The following LRRK1 variants were observed in gnomAD, a reference collection of about 807,000 sequenced individuals.
LRRK1 encodes the protein leucine rich repeat kinase 1, also known as leucine-rich repeat serine/threonine-protein kinase 1.
LRRK1 carries 113 observed loss-of-function variants against 209.1 expected under a neutral mutation model. That is an observed-to-expected ratio of 0.54 (90% confidence interval 0.46 to 0.63). The LOEUF (loss-of-function observed/expected upper bound fraction) is 0.63, where lower values mean the gene tolerates loss of function less well. Ranked by LOEUF, LRRK1 falls within the 30% of genes least tolerant of loss-of-function variation. The pLI is 0.00. For synonymous variants in LRRK1, 1,144 were observed against 1,099.7 expected (o/e 1.04, Z -0.80); for missense variants, 2,284 against 2,632.2 (o/e 0.87, Z 2.89).
chr15:100,941,656 C>G (rs1285196463), intron 2 of LRRK1, among the ~76,000 whole-genome samples: 2 of 152,274 alleles, frequency 1.3e-5, no homozygotes, highest in East Asian at 1.9e-4. Flanking sequence ...TTCCCCGTAG[C>G]TGTCTGTGAA....
intron 2 of LRRK1, among the ~76,000 whole-genome samples, chr15:100,946,509 T>C (rs2042542041): frequency 6.6e-6 from 1 of 152,176 alleles, no homozygotes; most frequent in Non-Finnish European, 1.5e-5. Context: ...AAGGTTTATT[T>C]GGGAATAGCA....
At position 101,053,094 on chromosome 15, in the gene LRRK1, C is replaced by T. The variant is rs1325989683; in HGVS notation, c.3856+6C>T. On this transcript the variant is annotated splice_donor_region_variant and intron_variant, in intron 25 of 33. Transcript: ENST00000388948. ...CTTTGCTAACGTACCGGCAGGTAAG[C>T]GGGTCCCAGGTTGGTGCTGTTTTTC... 11 of 1,602,774 alleles carry T rather than the reference C, an allele frequency of 6.9e-6. No homozygotes were observed. The highest frequency in any genetic ancestry group is 1.7e-4 in the Middle Eastern group (1 of 6,040).
In LRRK1 at chr15:100,927,078, G is replaced by T. The variant is rs1280656759; in HGVS notation, c.97+2349G>T. Among the ~76,000 whole-genome samples the T allele has an allele frequency of 2.0e-5, 3 of 152,272 alleles. No individual in the cohort carries two copies. In the East Asian group the frequency reaches 5.8e-4, roughly 29 times the overall value. ...TAAATGGTTTGAGTCCCATAGAGCA[G>T]CACTTCTCAAATTATCAGGTGCACA... On this transcript the variant is annotated intron_variant, in intron 2 of 33. Transcript: ENST00000388948.
chr15:100,949,492 A>G (rs1482796152), intron 2 of LRRK1, among the ~76,000 whole-genome samples: 1 of 152,214 alleles, frequency 6.6e-6, no homozygotes, highest in Admixed American at 6.5e-5. Flanking sequence ...TCTTCCAAAC[A>G]ATAAAATATG....
chr15:101,055,841 C>A (rs951838195), intron 27 of LRRK1, among the ~76,000 whole-genome samples: 1 of 152,240 alleles, frequency 6.6e-6, no homozygotes, highest in African/African-American at 2.4e-5. Flanking sequence ...GCATGTATTA[C>A]ATCTAGTGCC....
chr15:100,928,495 G>C (rs1359719221), intron 2 of LRRK1, among the ~76,000 whole-genome samples: 1 of 152,020 alleles, frequency 6.6e-6, no homozygotes. Flanking sequence ...CTCCGGCTGA[G>C]AAAAGTTGGC....
intron 4 of LRRK1, among the ~76,000 whole-genome samples, chr15:100,984,888 G>T (rs1339925441): frequency 1.3e-5 from 2 of 152,138 alleles, no homozygotes; most frequent in East Asian, 3.9e-4. Flanking sequence ...GATTTTGCTT[G>T]GGAGCCAGGG....
chr15:101,034,363 C>T (rs2034412699), intron 20 of LRRK1, among the ~76,000 whole-genome samples: 1 of 152,082 alleles, frequency 6.6e-6, no homozygotes, highest in Non-Finnish European at 1.5e-5. Flanking sequence ...ACCCTGTTTT[C>T]TTCTAGTAGT....
rs138582816 is a variant in LRRK1 at position 101,025,429 on chromosome 15, G to A, written c.2232+462G>A. On this transcript the variant is annotated intron_variant, in intron 16 of 33. Coordinates refer to ENST00000388948, the MANE Select transcript of LRRK1 (RefSeq NM_024652.6). ...GCTGCCTGGGCTGACATCCTGTAGC[G>A]CAGTCTGTTTTGCATTACTAGAAAG... Among the ~76,000 whole-genome samples, 663 of 152,322 alleles carry A rather than the reference G, an allele frequency of 4.4e-3. 3 individuals are homozygous for A. Among genetic ancestry groups the A allele is most frequent in the Non-Finnish European group, 7.0e-3 (479 of 68,038 alleles).
In LRRK1 at chr15:100,992,618, G is replaced by A. The variant is rs981562166; in HGVS notation, c.762+3220G>A. Among the ~76,000 whole-genome samples, 10 of 152,082 alleles carry A rather than the reference G, an allele frequency of 6.6e-5. No homozygotes were observed. The East Asian group carries it at 1.7e-3, about 26-fold the overall frequency. ...ATTTCATTAATTTTCACTTCTGTCT[G>A]TATTAAAACCCTCTTCATATGGTTG... On this transcript the variant is annotated intron_variant, in intron 6 of 33. Coordinates refer to ENST00000388948, the MANE Select transcript of LRRK1 (RefSeq NM_024652.6).
intron 29 of LRRK1, 76 bp downstream of exon 29, chr15:101,058,217 A>G: frequency 6.9e-7 from 1 of 1,445,302 alleles, no homozygotes; most frequent in Non-Finnish European, 9.6e-7. Flanking sequence ...AACACAGTCG[A>G]TGTTGACCAC....
intron 6 of LRRK1, among the ~76,000 whole-genome samples, chr15:101,008,290 TTG>T (rs2141690636): frequency 6.6e-6 from 1 of 152,204 alleles, no homozygotes; most frequent in South Asian, 2.1e-4. Flanking sequence ...TTTTTATATA[TTG>T]TGTGGCCATC....
At chr15:101,021,777 T>C (rs550470328) in intron 13 of LRRK1, 68 bp from the exon 14 acceptor site, 88 of 1,358 alleles carry the variant, frequency 0.065, no homozygotes, top group South Asian at 0.3. Flanking sequence ...CGTGTGTGCG[T>C]GTGTGTGTGT....
chr15:101,032,429 C>T (rs1456278034), intron 20 of LRRK1, among the ~76,000 whole-genome samples: 1 of 136,676 alleles, frequency 7.3e-6, no homozygotes, highest in Non-Finnish European at 1.6e-5. Flanking sequence ...TCCCTCCCCC[C>T]TCCCCCTACC....
chr15:101,067,017 CAGA>C (rs1210829974), intron 33 of LRRK1, among the ~76,000 whole-genome samples: 3 of 152,188 alleles, frequency 2.0e-5, no homozygotes, highest in African/African-American at 7.2e-5. Context: ...TCTCCAGGGC[CAGA>C]GTTCAGCTGC....
At chr15:100,950,076 G>C (rs919520984) in intron 2 of LRRK1, among the ~76,000 whole-genome samples, 1 of 152,146 alleles carries the variant, frequency 6.6e-6, no homozygotes, top group Non-Finnish European at 1.5e-5. Flanking sequence ...TATATTTTCC[G>C]GTGACATCAT....
At chr15:100,978,312 G>A (rs1384196507) in intron 3 of LRRK1, among the ~76,000 whole-genome samples, 1 of 152,154 alleles carries the variant, frequency 6.6e-6, no homozygotes, top group African/African-American at 2.4e-5. Context: ...TAGACAGAAG[G>A]CAAGACTGAA....
intron 12 of LRRK1, among the ~76,000 whole-genome samples, chr15:101,018,724 C>A (rs2033655110): frequency 6.6e-6 from 1 of 152,182 alleles, no homozygotes; most frequent in African/African-American, 2.4e-5. Context: ...GGGGCCGCGC[C>A]CCTGGGAGGT....
intron 2 of LRRK1, among the ~76,000 whole-genome samples, chr15:100,970,079 G>A (rs1451393467): frequency 2.0e-5 from 3 of 152,046 alleles, no homozygotes; most frequent in Admixed American, 6.5e-5. Flanking sequence ...TAGTAGAGAC[G>A]GGGTTTCACC....
Sources: allele counts gnomAD v4.1 joint callset (sites outside exome capture counted in the v4.1 genomes callset), GRCh38; gene constraint gnomAD v4.1.1; transcripts MANE v1.5; gene names NCBI Gene and HGNC (gene_info 2026-07-23, HGNC 2026-07-21).